Variants in ALK observed in about 807,000 individuals in gnomAD.
ALK encodes the protein ALK receptor tyrosine kinase, also known as ALK tyrosine kinase receptor.
Under a neutral mutation model 163.1 loss-of-function variants are expected in ALK, and 74 were observed. The observed-to-expected ratio is 0.45, with a 90% CI of 0.38 to 0.55. The LOEUF (loss-of-function observed/expected upper bound fraction) is 0.55, where lower values mean the gene tolerates loss of function less well. Ranked by LOEUF, ALK falls within the 20% of genes least tolerant of loss-of-function variation. ALK has a pLI of 0.00. For synonymous variants in ALK, 960 were observed against 843.2 expected (o/e 1.14, Z -2.40); for missense variants, 2,063 against 2,105.3 (o/e 0.98, Z 0.39).
At chr2:29,429,886 ATGAAATAGAAT>A in intron 4 of ALK, among the ~76,000 whole-genome samples, 1 of 152,306 alleles carries the variant, frequency 6.6e-6, no homozygotes, top group Non-Finnish European at 1.5e-5. Context: ...ACACAGATCC[ATGAAATAGAAT>A]TGAAATAAAC....
chr2:29,266,183 C>T (rs867424442), intron 11 of ALK, among the ~76,000 whole-genome samples: 1 of 152,184 alleles, frequency 6.6e-6, no homozygotes, highest in South Asian at 2.1e-4. Context: ...TCGGGCAATC[C>T]TCTATACCCC....
intron 1 of ALK, among the ~76,000 whole-genome samples, chr2:29,827,828 T>C (rs888146112): frequency 3.9e-5 from 6 of 152,292 alleles, no homozygotes; most frequent in African/African-American, 1.4e-4. Flanking sequence ...TTAAAGTTCA[T>C]ATGGAACCAA....
rs141414203 is a variant in ALK at position 29,779,578 on chromosome 2, G to A, written c.668-61881C>T. Among the ~76,000 whole-genome samples the A allele has an allele frequency of 4.6e-3, 705 of 152,262 alleles. 8 individuals are homozygous for A. Among genetic ancestry groups the A allele is most frequent in the African/African-American group, 0.016 (660 of 41,554 alleles). On this transcript the variant is annotated intron_variant, in intron 1 of 28. Coordinates refer to ENST00000389048, the MANE Select transcript of ALK (RefSeq NM_004304.5). ...GCATCATTCTCTCTGCAGAATGCTC[G>A]GTGGATGTTTAGAGAAGTCACCTGA...
chr2:29,561,911 G>A (rs564804133), intron 3 of ALK, among the ~76,000 whole-genome samples: 58 of 152,186 alleles, frequency 3.8e-4, no homozygotes, highest in African/African-American at 1.4e-3. Context: ...CTGGGGTGGG[G>A]TCTAAGTAGT....
intron 4 of ALK, among the ~76,000 whole-genome samples, chr2:29,496,167 A>G (rs548368511): frequency 6.6e-6 from 1 of 152,360 alleles, no homozygotes; most frequent in Admixed American, 6.5e-5. Context: ...ATAAAATGCA[A>G]AAGATTATAG....
intron 4 of ALK, among the ~76,000 whole-genome samples, chr2:29,468,957 T>C (rs1198812293): frequency 6.6e-6 from 1 of 151,436 alleles, no homozygotes; most frequent in African/African-American, 2.4e-5. Flanking sequence ...TTTTTTGAAC[T>C]TTTGCAATCA....
Position 29,429,024 on chromosome 2 carries a change from G to A in ALK, c.1155-45165C>T, listed in dbSNP as rs776879292. ...AAACCACAGCATCATCTCAACAGAC[G>A]CAGAAAGAAGATTCAACAAACTTGA... On this transcript the variant is annotated intron_variant, in intron 4 of 28. Transcript: ENST00000389048. 5.3e-5 allele frequency among the ~76,000 whole-genome samples: 8 copies of A among 152,086 alleles called. No individual in the cohort carries two copies. In the South Asian group the frequency reaches 6.2e-4, roughly 12 times the overall value.
rs1236604516 is a variant in ALK at position 29,194,234 on chromosome 2, A to AG, written c.4165-313_4165-312insC. ...AAAGATTAGTGGATTTAAAAAAAAA[A>AG]TTAAGATTATTATTTGTATTATTCC... On this transcript the variant is annotated intron_variant, in intron 28 of 28. Coordinates refer to ENST00000389048, the MANE Select transcript of ALK (RefSeq NM_004304.5). Among the ~76,000 whole-genome samples, 5 of 151,844 alleles carry AG rather than the reference A, an allele frequency of 3.3e-5. No individual in the cohort carries two copies. The South Asian group carries it at 1.0e-3, about 32-fold the overall frequency.
intron 1 of ALK, among the ~76,000 whole-genome samples, chr2:29,725,159 A>AAAAAAAG (rs1338995718): frequency 1.3e-5 from 2 of 150,452 alleles, no homozygotes; most frequent in Non-Finnish European, 3.0e-5. Flanking sequence ...TATACCAAAA[A>AAAAAAAG]AAAAAAAAAA....
chr2:29,578,184 A>G (rs188996398), intron 3 of ALK, among the ~76,000 whole-genome samples: 1 of 151,180 alleles, frequency 6.6e-6, no homozygotes, highest in East Asian at 2.0e-4. Context: ...GGTTTTAAAA[A>G]CGAGTTTCCC....
At chr2:29,297,163 T>C in intron 8 of ALK, 106 bp from the exon 9 acceptor site, 1 of 1,349,776 alleles carries the variant, frequency 7.4e-7, no homozygotes, top group South Asian at 1.2e-5. Context: ...CTCAGCTGAG[T>C]TCAGCCTGGT....
intron 28 of ALK, among the ~76,000 whole-genome samples, chr2:29,194,744 C>G (rs1474582630): frequency 6.8e-6 from 1 of 146,736 alleles, no homozygotes; most frequent in African/African-American, 2.5e-5. Flanking sequence ...TGTCGAACTC[C>G]TGACCTCAGG....
rs201077424 is a variant in ALK at position 29,756,734 on chromosome 2, C to A, written c.668-39037G>T. Among the ~76,000 whole-genome samples, 3 of 152,230 alleles carry A rather than the reference C, an allele frequency of 2.0e-5. No homozygotes were observed. In the East Asian group the frequency reaches 5.8e-4, roughly 29 times the overall value. ...TAGAGACAGGGTTTCACCATGTTAG[C>A]CAGGCTTGTCTTGAAATCCTGGCCT... On this transcript the variant is annotated intron_variant, in intron 1 of 28. Coordinates refer to ENST00000389048, the MANE Select transcript of ALK (RefSeq NM_004304.5).
Position 29,908,601 on chromosome 2 carries a change from T to C in ALK, c.667+11392A>G, listed in dbSNP as rs72857523. On this transcript the variant is annotated intron_variant, in intron 1 of 28. Coordinates refer to ENST00000389048, the MANE Select transcript of ALK (RefSeq NM_004304.5). ...GACCTGACTCCCTGCCAAAAGGCAA[T>C]AAGCTTATTGTTTCTAAAATTCCAG... 8.0e-3 allele frequency among the ~76,000 whole-genome samples: 1,219 copies of C among 152,320 alleles called. 20 individuals are homozygous for C. Among genetic ancestry groups the C allele is most frequent in the African/African-American group, 0.027 (1,141 of 41,564 alleles).
chr2:29,685,714 G>A (rs1197946574), intron 3 of ALK, among the ~76,000 whole-genome samples: 1 of 152,178 alleles, frequency 6.6e-6, no homozygotes, highest in Non-Finnish European at 1.5e-5. Context: ...TCCTATTGCT[G>A]CAGTAACAAA....
intron 1 of ALK, among the ~76,000 whole-genome samples, chr2:29,906,078 C>A (rs1667540889): frequency 6.6e-6 from 1 of 152,076 alleles, no homozygotes; most frequent in South Asian, 2.1e-4. Context: ...GGTCAGATCA[C>A]AGGAGCAGAA....
chr2:29,741,070 T>C (rs531247600), intron 1 of ALK, among the ~76,000 whole-genome samples: 1 of 152,256 alleles, frequency 6.6e-6, no homozygotes, highest in East Asian at 1.9e-4. Flanking sequence ...GATACTTAAA[T>C]GAATATTACC....
chr2:29,409,136 T>C (rs1175036112), intron 4 of ALK, among the ~76,000 whole-genome samples: 2 of 152,188 alleles, frequency 1.3e-5, no homozygotes, highest in Non-Finnish European at 2.9e-5. Flanking sequence ...TCTGATAACG[T>C]GCAACCCAAG....
chr2:29,752,644 G>A (rs113427078), intron 1 of ALK, among the ~76,000 whole-genome samples: 23 of 152,152 alleles, frequency 1.5e-4, no homozygotes, highest in African/African-American at 5.3e-4. Flanking sequence ...CACCGCGCCC[G>A]GCCGACTTCT....
Sources: allele counts gnomAD v4.1 joint callset (sites outside exome capture counted in the v4.1 genomes callset), GRCh38; gene constraint gnomAD v4.1.1; transcripts MANE v1.5; gene names NCBI Gene and HGNC (gene_info 2026-07-23, HGNC 2026-07-21).